The following GAS6 variants were observed in gnomAD, a reference collection of about 807,000 sequenced individuals.
The protein encoded by GAS6 is growth arrest-specific protein 6.
In GAS6, 41 loss-of-function variants were observed where a neutral mutation model predicts 75.8. That is an observed-to-expected ratio of 0.54 (90% confidence interval 0.42 to 0.70). GAS6 has a LOEUF of 0.70. Among genes scored for constraint, GAS6 ranks in the 30% least tolerant of loss-of-function variants. GAS6 has a pLI of 0.00. For synonymous variants in GAS6, 432 were observed against 412.6 expected (o/e 1.05, Z -0.57); for missense variants, 854 against 940.2 (o/e 0.91, Z 1.20).
rs543628145 is a variant in GAS6, at chr13:113,821,621, A to C, written c.1882+337T>G. The stretch of plus-strand genomic sequence containing the variant: ...AGCTGCGGTGACAGCCGCGGGTCCC[A>C]ACTGCAGCCTGGCCCGAGGTCTGCC... On this transcript the variant is annotated intron_variant, in intron 14 of 14. Transcript: ENST00000327773. The C allele has an allele frequency of 1.4e-5, 5 of 345,118 alleles. No individual in the cohort carries two copies. In the East Asian group the frequency reaches 2.5e-4, roughly 17 times the overall value. The allele number at this position is 345,118 out of a possible 1,614,324, so 21.4% of individuals were successfully genotyped here. A position where few individuals can be genotyped will look rare whatever the true frequency, so the allele number is the denominator to read the frequency against.
At chr13:113,828,018 G>C (rs1443119973) in intron 11 of GAS6, among the ~76,000 whole-genome samples, 1 of 152,236 alleles carries the variant, frequency 6.6e-6, no homozygotes, top group African/African-American at 2.4e-5. Flanking sequence ...GCTCACGCCT[G>C]TAATCCCAGC....
chr13:113,853,010 T>G (rs1329208133), intron 2 of GAS6, among the ~76,000 whole-genome samples: 4 of 152,202 alleles, frequency 2.6e-5, no homozygotes, highest in Non-Finnish European at 5.9e-5. Flanking sequence ...CCCCTAGGCC[T>G]GCTCTGGGGC....
At chr13:113,832,117 G>A (rs1234503621) in intron 10 of GAS6, among the ~76,000 whole-genome samples, 182 bp downstream of exon 10, 3 of 149,116 alleles carry the variant, frequency 2.0e-5, no homozygotes, top group Non-Finnish European at 4.5e-5. Flanking sequence ...TGAACTAAAC[G>A]GGGCAGGGGT....
At chr13:113,847,258 C>A (rs190312700) in intron 3 of GAS6, among the ~76,000 whole-genome samples, 3 of 152,372 alleles carry the variant, frequency 2.0e-5, no homozygotes, top group South Asian at 2.1e-4. Context: ...ACTCAGTCCT[C>A]GCTGGTGCCT....
At chr13:113,847,184 C>T (rs1022409035) in intron 3 of GAS6, 30 of 290,098 alleles carry the variant, frequency 1.0e-4, no homozygotes, top group Admixed American at 3.3e-4. Context: ...CAGAACGGCA[C>T]GGATGAACAG....
At position 113,827,002 on chromosome 13, in the gene GAS6, C is replaced by T; in HGVS notation, c.1471G>A (p.Asp491Asn). 5.6e-6 allele frequency: 9 copies of T among 1,612,898 alleles called. No individual in the cohort carries two copies. Among genetic ancestry groups the T allele is most frequent in the Non-Finnish European group, 7.6e-6 (9 of 1,179,854 alleles). ...PGSGFAFYSLDYMRTPLDVGT... is the reference protein window; with the variant it reads ...PGSGFAFYSLNYMRTPLDVGT... ...GGTAAGAGCCAAGACTTACTGTAGT[C>T]CAGGCTGTAGAAGGCGAAGCCGCTC... The change falls in exon 12 of 15, where the codon GAC becomes AAC. Residue 491 changes from aspartate (D) to asparagine (N), a missense_variant. Physicochemically the swap from Asp to Asn is conservative, Grantham distance 23 (BLOSUM62 1). Coordinates refer to ENST00000327773, the MANE Select transcript of GAS6 (RefSeq NM_000820.4).
rs935995265 is a variant in GAS6, at chr13:113,820,732, GAT to G, written c.*130_*131del. The G allele has an allele frequency of 2.1e-5, 23 of 1,072,872 alleles. No individual in the cohort carries two copies. The highest frequency in any genetic ancestry group is 2.9e-5 in the Non-Finnish European group (22 of 766,884). The allele number at this position is 1,072,872 out of a possible 1,614,324, so 66.5% of individuals were successfully genotyped here. On this transcript the variant is annotated 3_prime_UTR_variant, in exon 15 of 15. Coordinates refer to ENST00000327773, the MANE Select transcript of GAS6 (RefSeq NM_000820.4). ...CCCCAAGTCCATCTCACTATTTACA[GAT>G]ATGTTACAGGCCGGGATGGTCACAG...
At chr13:113,829,145 G>A (rs1594192632) in intron 10 of GAS6, among the ~76,000 whole-genome samples, 2 of 99,612 alleles carry the variant, frequency 2.0e-5, no homozygotes, top group Admixed American at 9.3e-5. Context: ...CCGACCTCAG[G>A]GAGACCACCT....
chr13:113,842,365 G>A, intron 4 of GAS6: 1 of 389,256 alleles, frequency 2.6e-6, no homozygotes, highest in Non-Finnish European at 4.5e-6. Context: ...TTTCTACTCT[G>A]AAGCACACAG....
intron 14 of GAS6, 113 bp downstream of exon 14, chr13:113,821,845 C>G: frequency 1.2e-6 from 1 of 808,526 alleles, no homozygotes; most frequent in African/African-American, 1.7e-5. Context: ...AACACAAGTC[C>G]TCTTCCGCAT....
Position 113,822,085 on chromosome 13 carries a change from C to A in GAS6, c.1755G>T (p.Glu585Asp). The change falls in exon 14 of 15, where the codon GAG becomes GAT. Residue 585 changes from glutamate to aspartate, a missense_variant. Coordinates refer to ENST00000327773, the MANE Select transcript of GAS6 (RefSeq NM_000820.4). ...HVVTVSLRDG[E>D]ATLEVDGTRG... ...TGGTGCCGTCCACCTCCAGGGTGGC[C>A]TCACCGTCCCTCAGCGAGACGGTGA... 6.3e-7 allele frequency: 1 copy of A among 1,596,394 alleles called. No individual in the cohort carries two copies.
At chr13:113,826,469 GCA>G (rs1566354631) in intron 12 of GAS6, among the ~76,000 whole-genome samples, 151 of 128,934 alleles carry the variant, frequency 1.2e-3, no homozygotes, top group South Asian at 2.2e-3. Context: ...CGCCGGCCTC[GCA>G]GGCACCTTCT....
chr13:113,835,932 G>A (rs2051697708), intron 6 of GAS6: 13 of 1,195,494 alleles, frequency 1.1e-5, no homozygotes, highest in Non-Finnish European at 1.2e-5. Context: ...ACGCTGTGCT[G>A]TTCCATTTAA....
intron 4 of GAS6, chr13:113,843,311 A>C (rs1384347194): frequency 6.5e-6 from 1 of 153,910 alleles, no homozygotes; most frequent in Non-Finnish European, 1.4e-5. Flanking sequence ...ACTGCGTTGA[A>C]GGACAGGAGG....
rs1180288516 is a variant in GAS6, at chr13:113,839,560, T to A, written c.466+168A>T. Reference sequence around the variant, plus strand: ...CTGCTCCCAGAAAGGAGACTGCAGCTCCTCCCAATTCTCCTGGGGCTCCAG... The same window carrying A: ...CTGCTCCCAGAAAGGAGACTGCAGCACCTCCCAATTCTCCTGGGGCTCCAG... On this transcript the variant is annotated intron_variant, in intron 5 of 14. Transcript: ENST00000327773. 8 of 788,904 alleles carry A rather than the reference T, an allele frequency of 1.0e-5. No homozygotes were observed. In the Admixed American group the frequency reaches 2.1e-4, roughly 20 times the overall value. 48.9% of individuals were successfully genotyped at this position (788,904 alleles called of 1,614,324 possible).
intron 8 of GAS6, 113 bp from the exon 9 acceptor site, chr13:113,832,865 G>T (rs2051647522): frequency 1.4e-5 from 21 of 1,554,224 alleles, no homozygotes; most frequent in Non-Finnish European, 1.8e-5. Flanking sequence ...CCTCGGGAGT[G>T]GCCACCCCGC....
In GAS6 at chr13:113,828,566, T is replaced by G; in HGVS notation, c.1289A>C (p.Glu430Ala). 6.2e-7 allele frequency: 1 copy of G among 1,613,428 alleles called. No individual in the cohort carries two copies. Among genetic ancestry groups the G allele is most frequent in the Non-Finnish European group, 8.5e-7 (1 of 1,179,950 alleles). ...ACTCACAGGCTGCACGAGGTCCTTC[T>G]CATGGAAGGGAATACCTCCCACGGT... is the stretch of plus-strand genomic sequence containing the variant. ...NLTVGGIPFH[E>A]KDLVQPINPR... Residue 430 changes from glutamate (E) to alanine (A), a missense_variant, in exon 11 of 15, where the codon GAG becomes GCG. Transcript: ENST00000327773.
intron 11 of GAS6, among the ~76,000 whole-genome samples, chr13:113,827,579 T>C (rs1413558357): frequency 2.7e-5 from 4 of 149,668 alleles, no homozygotes; most frequent in Non-Finnish European, 5.9e-5. Context: ...AGGCTGTCTG[T>C]GGGCCTGGGA....
Position 113,820,986 on chromosome 13 carries a change from A to T in GAS6, c.1915T>A (p.Phe639Ile). 1 of 1,612,648 alleles carries T rather than the reference A, an allele frequency of 6.2e-7. No individual in the cohort carries two copies. Among genetic ancestry groups the T allele is most frequent in the Non-Finnish European group, 8.5e-7 (1 of 1,179,874 alleles). Reference protein sequence around the residue: ...VPVTSAPVTAFYRGCMTLEVN... With the variant: ...VPVTSAPVTAIYRGCMTLEVN... Reference sequence around the variant, plus strand: ...TCCAGTGTCATGCAGCCGCGGTAGAACGCGGTGACTGGCGCTGAAGTCACC... The same window carrying T: ...TCCAGTGTCATGCAGCCGCGGTAGATCGCGGTGACTGGCGCTGAAGTCACC... The change falls in exon 15 of 15, where the codon TTC (phenylalanine) becomes ATC (isoleucine). Residue 639 changes from phenylalanine (F) to isoleucine (I), a missense_variant. Coordinates refer to ENST00000327773, the MANE Select transcript of GAS6 (RefSeq NM_000820.4).
Sources: gnomAD v4.1 joint callset for allele counts (sites outside exome capture counted in the v4.1 genomes callset) on GRCh38, gnomAD v4.1.1 for gene constraint, MANE v1.5 for transcripts, NCBI Gene and HGNC (gene_info 2026-07-23, HGNC 2026-07-21) for gene names.